Variants in HPSE observed in about 807,000 individuals in gnomAD.
The protein encoded by HPSE is endo-glucoronidase.
In HPSE, 48 loss-of-function variants were observed where a neutral mutation model predicts 65.1. That is an observed-to-expected ratio of 0.74 (90% CI 0.58 to 0.94). The LOEUF is 0.94. HPSE is among the 40% of genes least tolerant of loss of function. HPSE has a pLI of 0.00. For synonymous variants in HPSE, 243 were observed against 260.0 expected (o/e 0.93, Z 0.63); for missense variants, 644 against 637.5 (o/e 1.01, Z -0.11).
At position 83,302,267 on chromosome 4, in the gene HPSE, T is replaced by A. The variant is rs1735980602; in HGVS notation, c.1208A>T (p.Asp403Val). The change falls in exon 10 of 12, where the codon GAT (aspartate) becomes GTT (valine). Residue 403 changes from aspartate to valine, a missense_variant and splice_region_variant. Physicochemically the swap from Asp to Val is radical, Grantham distance 152 (BLOSUM62 -3). Coordinates refer to ENST00000311412, the MANE Select transcript of HPSE (RefSeq NM_001098540.3). Reference sequence around the variant, plus strand: ...CTTGAACAGAAGAGATAGCCAATAATCCTAGTTGTGGTGGTTGGGGAGAAA... The same window carrying A: ...CTTGAACAGAAGAGATAGCCAATAAACCTAGTTGTGGTGGTTGGGGAGAAA... Reference protein sequence around the residue: ...LVDENFDPLPDYWLSLLFKKL... With the variant: ...LVDENFDPLPVYWLSLLFKKL... 1 of 1,602,252 alleles carries A rather than the reference T, an allele frequency of 6.2e-7. No homozygotes were observed. The highest frequency in any genetic ancestry group is 1.7e-5 in the Admixed American group (1 of 59,802).
intron 3 of HPSE, 112 bp downstream of exon 3, chr4:83,319,232 G>A: frequency 9.4e-7 from 1 of 1,064,336 alleles, no homozygotes. Context: ...AAATGCTTCA[G>A]TATTTTCAGC....
chr4:83,297,997 C>T (rs1288113162), intron 11 of HPSE, among the ~76,000 whole-genome samples: 2 of 152,132 alleles, frequency 1.3e-5, no homozygotes, highest in Admixed American at 1.3e-4. Flanking sequence ...ATTAATCCTG[C>T]TGGAGATAAG....
At chr4:83,307,951 G>A (rs1036614194) in intron 8 of HPSE, among the ~76,000 whole-genome samples, 1 of 152,178 alleles carries the variant, frequency 6.6e-6, no homozygotes, top group Admixed American at 6.5e-5. Context: ...ACAATGAGAT[G>A]ATTTAACAAA....
chr4:83,334,684 C>A lies in HPSE; in HGVS notation c.99G>T (p.Ala33=). Residue 33 remains alanine, a synonymous_variant, in exon 1 of 12, where the codon GCG becomes GCT. Transcript: ENST00000311412. ...CCAGGTCCACGACGTCCTGTGCTTG[C>A]GCAGGTCGGGGCAGGGCGCCAGGGG... ...PLSPGALPRP[A]QAQDVVDLDF... is the part of the protein sequence containing the mutation. 1 of 1,573,240 alleles carries A rather than the reference C, an allele frequency of 6.4e-7. No homozygotes were observed. The highest frequency in any genetic ancestry group is 8.6e-7 in the Non-Finnish European group (1 of 1,159,252).
At chr4:83,297,097 A>T (rs1234597617) in intron 11 of HPSE, among the ~76,000 whole-genome samples, 2 of 152,204 alleles carry the variant, frequency 1.3e-5, no homozygotes, top group African/African-American at 4.8e-5. Context: ...TAGATACACA[A>T]CTACTTAACA....
At chr4:83,328,439 T>A (rs1378383427) in intron 1 of HPSE, among the ~76,000 whole-genome samples, 1 of 152,172 alleles carries the variant, frequency 6.6e-6, no homozygotes, top group Non-Finnish European at 1.5e-5. Flanking sequence ...TATGACCTCA[T>A]CCTAACTAAT....
chr4:83,334,494 C>T, intron 1 of HPSE, 62 bp downstream of exon 1: 2 of 1,471,426 alleles, frequency 1.4e-6, no homozygotes, highest in Non-Finnish European at 1.8e-6. Context: ...GAGCGGCTGG[C>T]GGGGCAGACA....
chr4:83,311,268 G>A (rs1047399178), intron 4 of HPSE, among the ~76,000 whole-genome samples: 3 of 152,092 alleles, frequency 2.0e-5, no homozygotes, highest in East Asian at 1.9e-4. Context: ...TCACGCAACC[G>A]CACTCCAGCC....
Position 83,313,228 on chromosome 4 carries a change from CA to C in HPSE, c.558del (p.Phe186LeufsTer3). The C allele has an allele frequency of 6.2e-7, 1 of 1,613,752 alleles. No homozygotes were observed. Among genetic ancestry groups the C allele is most frequent in the Non-Finnish European group, 8.5e-7 (1 of 1,179,906 alleles). On this transcript the variant is annotated frameshift_variant, in exon 4 of 12. Transcript: ENST00000311412. LOFTEE classifies it high-confidence loss of function. ...FANCSGLDLI[F>X]GLNALLRTAD... ...GCTGTTCTTAATAACGCATTTAGGCCAAAGATCAAGTCCAGTCCTGAGCAGT... is the reference window on the plus strand; with the variant it reads ...GCTGTTCTTAATAACGCATTTAGGCCAAGATCAAGTCCAGTCCTGAGCAGT...
chr4:83,303,948 G>A (rs1736057378), intron 9 of HPSE, among the ~76,000 whole-genome samples: 1 of 152,164 alleles, frequency 6.6e-6, no homozygotes, highest in South Asian at 2.1e-4. Context: ...TATGCAGGAG[G>A]AAATTATATT....
At chr4:83,306,039 C>CA in intron 9 of HPSE, among the ~76,000 whole-genome samples, 164 bp downstream of exon 9, 1 of 152,080 alleles carries the variant, frequency 6.6e-6, no homozygotes, top group Non-Finnish European at 1.5e-5. Flanking sequence ...TTCAAACACA[C>CA]AAAAAAATGT....
At chr4:83,297,094 A>G (rs1735759992) in intron 11 of HPSE, among the ~76,000 whole-genome samples, 2 of 152,196 alleles carry the variant, frequency 1.3e-5, no homozygotes, top group Non-Finnish European at 2.9e-5. Flanking sequence ...GTTTAGATAC[A>G]CAACTACTTA....
At chr4:83,328,974 A>C (rs1320754601) in intron 1 of HPSE, among the ~76,000 whole-genome samples, 5 of 152,178 alleles carry the variant, frequency 3.3e-5, no homozygotes, top group African/African-American at 1.2e-4. Context: ...GAGGAAAAGG[A>C]AAAGGAAGTA....
intron 1 of HPSE, among the ~76,000 whole-genome samples, chr4:83,331,170 C>T (rs1428547375): frequency 6.6e-6 from 1 of 151,588 alleles, no homozygotes; most frequent in Non-Finnish European, 1.5e-5. Flanking sequence ...CGCCATTGTA[C>T]TCTAGCTTGG....
intron 10 of HPSE, 136 bp from the exon 11 acceptor site, chr4:83,301,242 T>C (rs1177897221): frequency 1.9e-5 from 10 of 530,832 alleles, no homozygotes; most frequent in African/African-American, 1.6e-4. Flanking sequence ...GGATCCATAA[T>C]GACAGTGGGC....
At position 83,320,996 on chromosome 4, in the gene HPSE, T is replaced by C. The variant is rs1036071116; in HGVS notation, c.373+1223A>G. Among the ~76,000 whole-genome samples the C allele has an allele frequency of 7.2e-5, 11 of 152,322 alleles. 1 individual carries two copies. In the Middle Eastern group the frequency reaches 0.01, roughly 141 times the overall value. ...AGGGGGATCACTTGAGTGCAGGAGT[T>C]TGAGATCAGCCTGGATAACATAGAA... On this transcript the variant is annotated intron_variant, in intron 2 of 11. Coordinates refer to ENST00000311412, the MANE Select transcript of HPSE (RefSeq NM_001098540.3).
At chr4:83,327,134 T>A (rs1448619292) in intron 1 of HPSE, among the ~76,000 whole-genome samples, 2 of 152,344 alleles carry the variant, frequency 1.3e-5, no homozygotes, top group East Asian at 3.9e-4. Context: ...CTTATCAGAA[T>A]CTACCCGATA....
rs199775555 is a variant in HPSE, at chr4:83,323,954, CA to C, written c.228-1591del. Among the ~76,000 whole-genome samples, 72 of 152,214 alleles carry C rather than the reference CA, an allele frequency of 4.7e-4. No individual in the cohort carries two copies. The East Asian group carries it at 0.013, about 26-fold the overall frequency. ...TGTCATACATTTCTGAAGTATCAAA[CA>C]TGCAATGCTGGCCACACTGCTTCCT... On this transcript the variant is annotated intron_variant, in intron 1 of 11. Transcript: ENST00000311412.
rs767289813 is a variant in HPSE, at chr4:83,292,719, G to A, written c.*2625C>T. The stretch of plus-strand genomic sequence containing the variant: ...TAATGTATTTTGCAGCAACTTGGAC[G>A]GAACTGGGGGCTGTTATCCTAAGGG... On this transcript the variant is annotated 3_prime_UTR_variant, in exon 12 of 12. Transcript: ENST00000311412. 5 of 152,306 alleles carry A rather than the reference G, an allele frequency of 3.3e-5. No homozygotes were observed. The South Asian group carries it at 6.2e-4, about 19-fold the overall frequency. 9.4% of individuals were successfully genotyped at this position (152,306 alleles called of 1,614,324 possible). A position where few individuals can be genotyped will look rare whatever the true frequency, so the allele number is the denominator to read the frequency against.
Sources: allele counts gnomAD v4.1 joint callset (sites outside exome capture counted in the v4.1 genomes callset), GRCh38; gene constraint gnomAD v4.1.1; transcripts MANE v1.5; gene names NCBI Gene and HGNC (gene_info 2026-07-23, HGNC 2026-07-21).